The following RUNX1 variants were observed in gnomAD, a reference collection of about 807,000 sequenced individuals.
RUNX1 encodes the protein RUNX family transcription factor 1.
RUNX1 carries 19 observed loss-of-function variants against 42.8 expected under a neutral mutation model. The ratio of observed to expected loss-of-function variants is 0.44; its 90% CI spans 0.31 to 0.65. The LOEUF (loss-of-function observed/expected upper bound fraction) is 0.65. Among genes scored for constraint, RUNX1 ranks in the 30% least tolerant of loss-of-function variants. The pLI is 0.07. For missense variants in RUNX1, 528 were observed against 672.0 expected (o/e 0.79, Z 2.37); for synonymous variants, 271 against 289.4 (o/e 0.94, Z 0.64).
rs939355193 is a variant in RUNX1, at chr21:34,962,141, C to T, written c.59-69178G>A. ...CTCCTGGGCTTAAGTGATCCTCCTG[C>T]CTTGGCCTCCCAAAGTGTTGAGATT... On this transcript the variant is annotated intron_variant, in intron 2 of 8. Coordinates refer to ENST00000675419, the MANE Select transcript of RUNX1 (RefSeq NM_001754.5). Among the ~76,000 whole-genome samples the T allele has an allele frequency of 3.3e-5, 5 of 152,224 alleles. No individual in the cohort carries two copies. In the East Asian group the frequency reaches 7.7e-4, roughly 23 times the overall value.
chr21:34,846,650 C>T (rs2057321216), intron 6 of RUNX1, among the ~76,000 whole-genome samples: 1 of 152,190 alleles, frequency 6.6e-6, no homozygotes, highest in Admixed American at 6.5e-5. Context: ...GCAGTCTTTC[C>T]ACCAGGTCAG....
intron 2 of RUNX1, among the ~76,000 whole-genome samples, chr21:35,023,603 C>T (rs1285950196): frequency 6.6e-6 from 1 of 152,306 alleles, no homozygotes; most frequent in African/African-American, 2.4e-5. Flanking sequence ...GGCTTCCCTG[C>T]ACTTTGGTCT....
chr21:34,791,330 A>C lies in RUNX1; in HGVS notation c.*805T>G, dbSNP rs2056431372. On this transcript the variant is annotated 3_prime_UTR_variant, in exon 9 of 9. Transcript: ENST00000675419. ...ATATAAGTACATTTAAATAATTAAAAAATTATCAACACATAAATGTCTGAA... is the reference window on the plus strand; with the variant it reads ...ATATAAGTACATTTAAATAATTAAACAATTATCAACACATAAATGTCTGAA... 1 of 231,966 alleles carries C rather than the reference A, an allele frequency of 4.3e-6. No homozygotes were observed. The highest frequency in any genetic ancestry group is 5.6e-5 in the Admixed American group (1 of 17,762). 14.4% of individuals were successfully genotyped at this position (231,966 alleles called of 1,614,324 possible). A position where few individuals can be genotyped will look rare whatever the true frequency, so the allele number is the denominator to read the frequency against.
chr21:34,888,824 G>C lies in RUNX1; in HGVS notation c.98-1728C>G, dbSNP rs368075763. ...TCCGGTATCAGCCAGGGCGCGGCTCGCCGCCGCCGGCTCCTGGAATTGGCC... is the reference window on the plus strand; with the variant it reads ...TCCGGTATCAGCCAGGGCGCGGCTCCCCGCCGCCGGCTCCTGGAATTGGCC... On this transcript the variant is annotated intron_variant, in intron 3 of 8. Coordinates refer to ENST00000675419, the MANE Select transcript of RUNX1 (RefSeq NM_001754.5). 4 of 364,132 alleles carry C rather than the reference G, an allele frequency of 1.1e-5. No homozygotes were observed. The East Asian group carries it at 3.8e-4, about 35-fold the overall frequency. 22.6% of individuals were successfully genotyped at this position (364,132 alleles called of 1,614,324 possible).
rs182365078 is a variant in RUNX1 at position 35,018,040 on chromosome 21, T to G, written c.58+30802A>C. Among the ~76,000 whole-genome samples, 40 of 152,290 alleles carry G rather than the reference T, an allele frequency of 2.6e-4. No homozygotes were observed. In the East Asian group the frequency reaches 7.3e-3, roughly 28 times the overall value. ...TCCTGTTTTTGTTTGTTTGTTTGTT[T>G]TTTGAGATGGAGTCTCACTCTGTTA... On this transcript the variant is annotated intron_variant, in intron 2 of 8. Coordinates refer to ENST00000675419, the MANE Select transcript of RUNX1 (RefSeq NM_001754.5).
chr21:34,815,571 A>G (rs924061801), intron 7 of RUNX1, among the ~76,000 whole-genome samples: 7 of 152,260 alleles, frequency 4.6e-5, no homozygotes, highest in Middle Eastern at 3.4e-3. Context: ...ACTTGGAAGG[A>G]TGGGTTTCAG....
intron 2 of RUNX1, among the ~76,000 whole-genome samples, chr21:34,960,467 ATTTGGAACACCTAT>A (rs2058674442): frequency 6.6e-6 from 1 of 152,206 alleles, no homozygotes; most frequent in East Asian, 1.9e-4. Context: ...ACTGAATCTG[ATTTGGAACACCTAT>A]TTTGGAACAT....
At chr21:34,978,449 C>T (rs562431418) in intron 2 of RUNX1, among the ~76,000 whole-genome samples, 1 of 152,154 alleles carries the variant, frequency 6.6e-6, no homozygotes, top group East Asian at 1.9e-4. Context: ...AGGAATGTGA[C>T]AAAAAGCATA....
chr21:34,992,643 G>A (rs888089751), intron 2 of RUNX1, among the ~76,000 whole-genome samples: 2 of 141,826 alleles, frequency 1.4e-5, no homozygotes, highest in African/African-American at 2.7e-5. Flanking sequence ...AGATTATGAC[G>A]TTTCTTTCAC....
intron 2 of RUNX1, among the ~76,000 whole-genome samples, chr21:35,002,107 A>T (rs1270334378): frequency 7.3e-5 from 11 of 151,582 alleles, no homozygotes; most frequent in Admixed American, 5.3e-4. Context: ...CAAAATCCCA[A>T]TATTATTATT....
chr21:34,958,069 G>A (rs1183270155), intron 2 of RUNX1, among the ~76,000 whole-genome samples: 1 of 152,136 alleles, frequency 6.6e-6, no homozygotes, highest in Non-Finnish European at 1.5e-5. Flanking sequence ...AAATTTGGGG[G>A]CACTCAGAAG....
intron 7 of RUNX1, among the ~76,000 whole-genome samples, chr21:34,814,080 C>T (rs992434184): frequency 6.6e-5 from 10 of 152,192 alleles, no homozygotes; most frequent in Admixed American, 6.5e-4. Flanking sequence ...GCACATTGTC[C>T]AGATGGTTCT....
At chr21:35,029,572 T>G (rs2059259383) in intron 2 of RUNX1, among the ~76,000 whole-genome samples, 1 of 152,204 alleles carries the variant, frequency 6.6e-6, no homozygotes, top group Admixed American at 6.5e-5. Context: ...GGTATCTTTC[T>G]GGAGAAATGC....
intron 2 of RUNX1, among the ~76,000 whole-genome samples, chr21:34,903,600 CT>C (rs2058194476): frequency 6.6e-6 from 1 of 152,138 alleles, no homozygotes; most frequent in Non-Finnish European, 1.5e-5. Context: ...TGATCTCAGT[CT>C]TGCTTACAAG....
intron 7 of RUNX1, among the ~76,000 whole-genome samples, chr21:34,826,434 C>CTTTT (rs772880673): frequency 1.7e-3 from 178 of 105,332 alleles, no homozygotes; most frequent in African/African-American, 2.3e-3. Flanking sequence ...TTCTTTCTTT[C>CTTTT]TTTTTTTTTT....
At chr21:34,934,948 C>T (rs2058474447) in intron 2 of RUNX1, among the ~76,000 whole-genome samples, 1 of 152,062 alleles carries the variant, frequency 6.6e-6, no homozygotes, top group Non-Finnish European at 1.5e-5. Flanking sequence ...TTTAGACTTC[C>T]CCATATTCAT....
chr21:34,948,870 T>C (rs113112312), intron 2 of RUNX1, among the ~76,000 whole-genome samples: 1,837 of 152,272 alleles, frequency 0.012, 15 homozygotes, highest in Non-Finnish European at 0.019. Context: ...TTCAGCCTCC[T>C]GAGTAGCTGG....
chr21:34,931,318 TTA>T (rs942335329), intron 2 of RUNX1, among the ~76,000 whole-genome samples: 2 of 144,972 alleles, frequency 1.4e-5, no homozygotes, highest in African/African-American at 2.6e-5. Context: ...TCAACATGCA[TTA>T]TATATATATA....
At chr21:34,927,139 A>C (rs2058401620) in intron 2 of RUNX1, among the ~76,000 whole-genome samples, 1 of 152,228 alleles carries the variant, frequency 6.6e-6, no homozygotes, top group South Asian at 2.1e-4. Flanking sequence ...CCCACTTTAT[A>C]AGAGCAGGGG....
Sources: allele counts gnomAD v4.1 joint callset (sites outside exome capture counted in the v4.1 genomes callset), GRCh38; gene constraint gnomAD v4.1.1; transcripts MANE v1.5; gene names NCBI Gene and HGNC (gene_info 2026-07-23, HGNC 2026-07-21).